GCNT2: variants seen among roughly 807,000 people sequenced by gnomAD.
GCNT2 encodes glucosaminyl (N-acetyl) transferase 2 (I blood group), also known as N-acetyllactosaminide beta-1,6-N-acetylglucosaminyl-transferase.
A neutral mutation model predicts 34.2 loss-of-function variants in GCNT2; 34 were observed. That is an observed-to-expected ratio of 1.00 (90% CI 0.76 to 1.32). GCNT2 has a LOEUF of 1.32. Ranked by LOEUF, GCNT2 falls within the 40% of genes most tolerant of loss-of-function variation. The pLI, the probability that GCNT2 is intolerant of heterozygous loss-of-function variation, is 0.00. For synonymous variants in GCNT2, 212 were observed against 188.0 expected (o/e 1.13, Z -1.04); for missense variants, 584 against 489.4 (o/e 1.19, Z -1.82).
intron 4 of GCNT2, among the ~76,000 whole-genome samples, chr6:10,625,776 A>C (rs1410622303): frequency 1.3e-5 from 2 of 152,212 alleles, no homozygotes; most frequent in Non-Finnish European, 2.9e-5. Context: ...AACCACAGAC[A>C]GTACCGAACT....
intron 3 of GCNT2, among the ~76,000 whole-genome samples, chr6:10,608,239 G>A (rs141015405): frequency 0.12 from 18,588 of 151,924 alleles, 1,751 homozygotes; most frequent in African/African-American, 0.26. Flanking sequence ...CACTACGCCT[G>A]GCTAATTTTG....
At position 10,611,334 on chromosome 6, in the gene GCNT2, CT is replaced by C. The variant is rs200808872; in HGVS notation, c.926-10002del. ...ATATATACTTTTAATTTCTTTCTTT[CT>C]TTTTTTTTTTTTTTGAGACGGAGTC... On this transcript the variant is annotated intron_variant, in intron 3 of 4. Coordinates refer to ENST00000495262, the MANE Select transcript of GCNT2 (RefSeq NM_145649.5). 1.9e-3 allele frequency among the ~76,000 whole-genome samples: 261 copies of C among 136,420 alleles called. 1 individual carries two copies. The highest frequency in any genetic ancestry group is 5.3e-3 in the African/African-American group (198 of 37,624). 89.5% of individuals were successfully genotyped at this position (136,420 alleles called of 152,430 possible).
intron 3 of GCNT2, among the ~76,000 whole-genome samples, chr6:10,579,471 G>T (rs1763968766): frequency 6.6e-6 from 1 of 152,014 alleles, no homozygotes; most frequent in South Asian, 2.1e-4. Flanking sequence ...TCCTTTCATA[G>T]ACATTAACTT....
intron 3 of GCNT2, among the ~76,000 whole-genome samples, chr6:10,538,420 A>G (rs1449149432): frequency 7.6e-6 from 1 of 132,074 alleles, no homozygotes; most frequent in Non-Finnish European, 1.5e-5. Context: ...AAAAAAAAAA[A>G]AAAAAAAAAA....
chr6:10,526,758 T>G (rs1761211858), intron 1 of GCNT2, among the ~76,000 whole-genome samples: 1 of 152,108 alleles, frequency 6.6e-6, no homozygotes, highest in African/African-American at 2.4e-5. Flanking sequence ...AAGAGGTAAA[T>G]GAAAGTACAG....
At chr6:10,581,127 C>T (rs2127406908) in intron 3 of GCNT2, among the ~76,000 whole-genome samples, 1 of 152,260 alleles carries the variant, frequency 6.6e-6, no homozygotes, top group African/African-American at 2.4e-5. Flanking sequence ...AGATACCAAA[C>T]AAAACAAACC....
chr6:10,553,421 G>A (rs767293393), intron 3 of GCNT2, among the ~76,000 whole-genome samples: 12 of 152,168 alleles, frequency 7.9e-5, no homozygotes, highest in Non-Finnish European at 1.5e-4. Flanking sequence ...CAGGTCTTTC[G>A]TACCTTGGCC....
chr6:10,587,014 A>G, intron 3 of GCNT2: 1 of 882,414 alleles, frequency 1.1e-6, no homozygotes, highest in Non-Finnish European at 1.8e-6. Context: ...ATAAATTTAA[A>G]TACTTAGAAA....
chr6:10,555,922 A>AAG, intron 3 of GCNT2: 1 of 1,007,054 alleles, frequency 9.9e-7, no homozygotes, highest in Non-Finnish European at 1.2e-6. Flanking sequence ...CACGAACAAC[A>AAG]AGAGAGGGCA....
At chr6:10,592,815 C>G (rs925746712) in intron 3 of GCNT2, among the ~76,000 whole-genome samples, 1 of 151,970 alleles carries the variant, frequency 6.6e-6, no homozygotes, top group Non-Finnish European at 1.5e-5. Flanking sequence ...GGTCTCGGCT[C>G]ACACAACCTC....
At chr6:10,560,382 C>A (rs1484789280) in intron 3 of GCNT2, among the ~76,000 whole-genome samples, 1 of 152,142 alleles carries the variant, frequency 6.6e-6, no homozygotes, top group Admixed American at 6.5e-5. Context: ...TGAGCCACTG[C>A]GCCGGGCTGA....
In GCNT2 at chr6:10,569,848, T is replaced by C. The variant is rs150089844; in HGVS notation, c.925+40012T>C. ...TTCTTCCTTCCTTCCTTCCTTCCTT[T>C]CTCTTTCTTTCTCTTTCTTTCTTTC... On this transcript the variant is annotated intron_variant, in intron 3 of 4. Coordinates refer to ENST00000495262, the MANE Select transcript of GCNT2 (RefSeq NM_145649.5). Among the ~76,000 whole-genome samples, 72 of 110,124 alleles carry C rather than the reference T, an allele frequency of 6.5e-4. No individual in the cohort carries two copies. The East Asian group carries it at 0.013, about 20-fold the overall frequency. 72.2% of individuals were successfully genotyped at this position (110,124 alleles called of 152,430 possible). A position where few individuals can be genotyped will look rare whatever the true frequency, so the allele number is the denominator to read the frequency against.
intron 3 of GCNT2, among the ~76,000 whole-genome samples, chr6:10,591,795 G>A (rs1403733952): frequency 6.6e-6 from 1 of 152,202 alleles, no homozygotes; most frequent in Non-Finnish European, 1.5e-5. Flanking sequence ...AATATGAGAG[G>A]CTAAGAAGAG....
intron 3 of GCNT2, among the ~76,000 whole-genome samples, chr6:10,602,146 A>G (rs1351892616): frequency 6.6e-6 from 1 of 152,164 alleles, no homozygotes; most frequent in Non-Finnish European, 1.5e-5. Context: ...TGTCTACTCT[A>G]TAACTTTTGT....
At chr6:10,556,850 A>G (rs1429877241) in intron 3 of GCNT2, 1 of 1,614,206 alleles carries the variant, frequency 6.2e-7, no homozygotes, top group Admixed American at 1.7e-5. Context: ...GCAACTATTA[A>G]GCTGCTTCCC....
intron 3 of GCNT2, chr6:10,581,981 CTT>C (rs1288433657): frequency 9.3e-5 from 27 of 289,094 alleles, no homozygotes; most frequent in Admixed American, 4.9e-4. Flanking sequence ...TATACACACA[CTT>C]ATATGTATAT....
chr6:10,572,060 G>C (rs986777265), intron 3 of GCNT2, among the ~76,000 whole-genome samples: 2 of 152,102 alleles, frequency 1.3e-5, no homozygotes, highest in African/African-American at 4.8e-5. Flanking sequence ...GTCTGCCAAA[G>C]CTTCTCTAGC....
intron 3 of GCNT2, chr6:10,585,703 A>G (rs1213953589): frequency 4.3e-6 from 5 of 1,171,194 alleles, no homozygotes; most frequent in African/African-American, 3.1e-5. Context: ...TAGAGGCTGG[A>G]CTGGGCTGGG....
In GCNT2 at chr6:10,584,047, G is replaced by A. The variant is rs142641415; in HGVS notation, c.926-37304G>A. Among the ~76,000 whole-genome samples the A allele has an allele frequency of 6.5e-3, 993 of 152,174 alleles. 14 individuals carry two copies. Among genetic ancestry groups the A allele is most frequent in the African/African-American group, 0.022 (933 of 41,514 alleles). ...GTACAGAGGAAGAAAAGTGGGCCCT[G>A]GGGGACCGGCGCTTAGTAAGTGAGG... On this transcript the variant is annotated intron_variant, in intron 3 of 4. Transcript: ENST00000495262.
Sources: allele counts gnomAD v4.1 joint callset (sites outside exome capture counted in the v4.1 genomes callset), GRCh38; gene constraint gnomAD v4.1.1; transcripts MANE v1.5; gene names NCBI Gene and HGNC (gene_info 2026-07-23, HGNC 2026-07-21).